Variants in CDH18 observed in about 807,000 individuals in gnomAD.
CDH18 encodes cadherin 18, also known as cadherin-18.
CDH18 carries 31 observed loss-of-function variants against 67.9 expected under a neutral mutation model. That is an observed-to-expected ratio of 0.46 (90% CI 0.34 to 0.62). The LOEUF (loss-of-function observed/expected upper bound fraction) is 0.62. Ranked by LOEUF, CDH18 falls within the 20% of genes least tolerant of loss-of-function variation. The probability of loss-of-function intolerance (pLI) is 0.01; values close to 1 mark genes in which losing one functional copy is unlikely to be tolerated. For synonymous variants in CDH18, 362 were observed against 347.2 expected (o/e 1.04, Z -0.48); for missense variants, 890 against 975.5 (o/e 0.91, Z 1.17).
At chr5:19,678,380 G>A (rs111546929) in intron 5 of CDH18, among the ~76,000 whole-genome samples, 2 of 151,640 alleles carry the variant, frequency 1.3e-5, no homozygotes, top group South Asian at 2.1e-4. Context: ...CCTACCTAAA[G>A]GACATTTAGG....
chr5:20,045,478 G>A (rs1013166928), intron 2 of CDH18, among the ~76,000 whole-genome samples: 3 of 151,918 alleles, frequency 2.0e-5, no homozygotes, highest in East Asian at 1.9e-4. Flanking sequence ...TAATGATGAC[G>A]ATGATAAGTT....
At chr5:20,540,720 C>T (rs970969875) in intron 1 of CDH18, among the ~76,000 whole-genome samples, 2 of 152,166 alleles carry the variant, frequency 1.3e-5, no homozygotes, top group South Asian at 2.1e-4. Context: ...ATGTCAACTA[C>T]GAATATTTAG....
At chr5:19,536,548 G>GT (rs1427603819) in intron 9 of CDH18, among the ~76,000 whole-genome samples, 1 of 152,160 alleles carries the variant, frequency 6.6e-6, no homozygotes, top group Non-Finnish European at 1.5e-5. Flanking sequence ...AAATGTGTAC[G>GT]TATCTCTGTG....
At chr5:19,686,003 G>A (rs1012894341) in intron 5 of CDH18, among the ~76,000 whole-genome samples, 1 of 152,174 alleles carries the variant, frequency 6.6e-6, no homozygotes, top group East Asian at 1.9e-4. Flanking sequence ...GGTTTGGTGA[G>A]CATAAAGTAT....
chr5:19,518,274 A>T (rs1746344473), intron 10 of CDH18, among the ~76,000 whole-genome samples: 1 of 152,114 alleles, frequency 6.6e-6, no homozygotes, highest in Non-Finnish European at 1.5e-5. Flanking sequence ...TCTCATGGGA[A>T]ATGTTAAATT....
chr5:19,562,452 A>C (rs434485), intron 8 of CDH18, among the ~76,000 whole-genome samples: 8,583 of 152,214 alleles, frequency 0.056, 259 homozygotes, highest in African/African-American at 0.076. Context: ...GAAAGCAAAC[A>C]AAAAACAAAA....
chr5:20,189,541 T>C (rs1179470878), intron 2 of CDH18, among the ~76,000 whole-genome samples: 1 of 152,126 alleles, frequency 6.6e-6, no homozygotes, highest in East Asian at 1.9e-4. Flanking sequence ...CACACTTATT[T>C]AATCTTGAAA....
At chr5:20,046,692 A>C (rs73055507) in intron 2 of CDH18, among the ~76,000 whole-genome samples, 2,842 of 149,794 alleles carry the variant, frequency 0.019, 91 homozygotes, top group African/African-American at 0.065. Flanking sequence ...ATATATCTCT[A>C]TATATATATA....
At chr5:20,368,602 A>C (rs1256357978) in intron 1 of CDH18, among the ~76,000 whole-genome samples, 1 of 152,198 alleles carries the variant, frequency 6.6e-6, no homozygotes, top group Non-Finnish European at 1.5e-5. Flanking sequence ...TGAAGAAAAA[A>C]GTACCCTTTT....
chr5:20,441,956 C>G (rs531322766), intron 1 of CDH18, among the ~76,000 whole-genome samples: 8 of 151,888 alleles, frequency 5.3e-5, no homozygotes, highest in African/African-American at 1.9e-4. Flanking sequence ...TCGAGAGAAA[C>G]AGAAATGGTC....
intron 1 of CDH18, among the ~76,000 whole-genome samples, chr5:20,397,585 T>C (rs1381826274): frequency 6.6e-6 from 1 of 152,166 alleles, no homozygotes; most frequent in African/African-American, 2.4e-5. Context: ...TTACCAGTAG[T>C]CTCTTCATGT....
At chr5:20,517,639 A>G (rs1508547) in intron 1 of CDH18, among the ~76,000 whole-genome samples, 13,883 of 152,032 alleles carry the variant, frequency 0.091, 1,696 homozygotes, top group African/African-American at 0.28. Flanking sequence ...GTCTCTGCCT[A>G]TAAGGTTCTT....
intron 5 of CDH18, among the ~76,000 whole-genome samples, chr5:19,693,730 C>G (rs1030488792): frequency 6.6e-6 from 1 of 151,962 alleles, no homozygotes; most frequent in African/African-American, 2.4e-5. Context: ...AACTCTGTCT[C>G]TACTAAAGAT....
intron 6 of CDH18, among the ~76,000 whole-genome samples, chr5:19,601,642 T>A (rs1747140633): frequency 6.6e-6 from 1 of 151,628 alleles, no homozygotes; most frequent in Admixed American, 6.6e-5. Context: ...AGACAGACAC[T>A]AAAATAATAG....
At chr5:20,011,600 A>G (rs1737443360) in intron 2 of CDH18, among the ~76,000 whole-genome samples, 2 of 152,142 alleles carry the variant, frequency 1.3e-5, no homozygotes, top group Non-Finnish European at 2.9e-5. Context: ...TTTGTCATAC[A>G]TGGCTCTTAT....
At chr5:20,379,319 G>T (rs1743720462) in intron 1 of CDH18, among the ~76,000 whole-genome samples, 1 of 152,072 alleles carries the variant, frequency 6.6e-6, no homozygotes. Flanking sequence ...CATAATAGAA[G>T]ATATGTTGTA....
chr5:20,563,461 T>A (rs1483921599), intron 1 of CDH18, among the ~76,000 whole-genome samples: 1 of 147,848 alleles, frequency 6.8e-6, no homozygotes, highest in Non-Finnish European at 1.5e-5. Flanking sequence ...AATTAAATTG[T>A]TGACAGTTAA....
chr5:20,304,095 C>T (rs1359529259), intron 1 of CDH18: 16 of 1,611,028 alleles, frequency 9.9e-6, no homozygotes, highest in African/African-American at 2.7e-5. Context: ...TCTGCATCCT[C>T]GCTGGTGTTT....
At chr5:19,871,202 T>A (rs1786237728) in intron 2 of CDH18, among the ~76,000 whole-genome samples, 1 of 152,166 alleles carries the variant, frequency 6.6e-6, no homozygotes, top group Non-Finnish European at 1.5e-5. Context: ...AAAAATTCAC[T>A]AATAGAATGA....
Sources: allele counts gnomAD v4.1 joint callset (sites outside exome capture counted in the v4.1 genomes callset), GRCh38; gene constraint gnomAD v4.1.1; transcripts MANE v1.5; gene names NCBI Gene and HGNC (gene_info 2026-07-23, HGNC 2026-07-21).